Variants in FDFT1 observed in about 807,000 individuals in gnomAD.
FDFT1 encodes the protein farnesyl-diphosphate farnesyltransferase 1.
FDFT1 carries 68 observed loss-of-function variants against 46.8 expected under a neutral mutation model. The observed-to-expected ratio is 1.45, with a 90% CI of 1.19 to 1.78. FDFT1 has a LOEUF of 1.78. FDFT1 is among the 40% of genes most tolerant of loss of function. The pLI is 0.00. For missense variants in FDFT1, 928 were observed against 524.4 expected (o/e 1.77, Z -7.52); for synonymous variants, 351 against 185.1 (o/e 1.90, Z -7.28).
Position 11,804,939 on chromosome 8 carries a change from C to T in FDFT1, c.99+2008C>T, listed in dbSNP as rs1438113631. Among the ~76,000 whole-genome samples, 220 of 117,468 alleles carry T rather than the reference C, an allele frequency of 1.9e-3. 4 individuals are homozygous for T. The highest frequency in any genetic ancestry group is 6.7e-3 in the African/African-American group (211 of 31,542). 77.1% of individuals were successfully genotyped at this position (117,468 alleles called of 152,430 possible). A position where few individuals can be genotyped will look rare whatever the true frequency, so the allele number is the denominator to read the frequency against. On this transcript the variant is annotated intron_variant, in intron 1 of 7. Coordinates refer to ENST00000220584, the MANE Select transcript of FDFT1 (RefSeq NM_004462.5). ...TTTTTTTTTTTTGAGGGGGGGGTCT[C>T]ACTCCATCGTCCAGGCTAGAATGCT...
chr8:11,814,087 G>C (rs1484166242), intron 3 of FDFT1, among the ~76,000 whole-genome samples: 3 of 152,178 alleles, frequency 2.0e-5, no homozygotes, highest in African/African-American at 7.2e-5. Flanking sequence ...CACCCTCATT[G>C]ACCTTTCCTC....
chr8:11,803,095 C>A, intron 1 of FDFT1, 164 bp downstream of exon 1: 1 of 1,436,422 alleles, frequency 7.0e-7, no homozygotes, highest in African/African-American at 1.4e-5. Context: ...CTGTAGGGCC[C>A]GGGTGGACGC....
In FDFT1 at chr8:11,824,770, C is replaced by G. The variant is rs568723887; in HGVS notation, c.511-1254C>G. ...TGTTGTTTTGAGACGGAGTCTCACT[C>G]TGTCGCCCAGGCTGGAGTGCAGTGG... On this transcript the variant is annotated intron_variant, in intron 4 of 7. Transcript: ENST00000220584. 7.0e-4 allele frequency among the ~76,000 whole-genome samples: 107 copies of G among 152,160 alleles called. 1 individual carries two copies. Among genetic ancestry groups the G allele is most frequent in the African/African-American group, 2.3e-3 (96 of 41,510 alleles).
chr8:11,810,249 G>C (rs1258023966), intron 3 of FDFT1, among the ~76,000 whole-genome samples: 1 of 152,198 alleles, frequency 6.6e-6, no homozygotes, highest in Non-Finnish European at 1.5e-5. Flanking sequence ...TCAAATTTTA[G>C]TGTTGTGAAA....
intron 3 of FDFT1, among the ~76,000 whole-genome samples, chr8:11,820,492 C>T (rs906494653): frequency 6.0e-5 from 9 of 150,092 alleles, no homozygotes; most frequent in African/African-American, 1.2e-4. Flanking sequence ...TGCTGAGCTG[C>T]GGTGGGCTCC....
intron 6 of FDFT1, among the ~76,000 whole-genome samples, chr8:11,831,066 A>G (rs1165985911): frequency 6.6e-6 from 1 of 152,218 alleles, no homozygotes; most frequent in Non-Finnish European, 1.5e-5. Flanking sequence ...ACAGGAAATT[A>G]ATCCCCTTCT....
chr8:11,829,350 A>G (rs1375396265), intron 5 of FDFT1, among the ~76,000 whole-genome samples: 2 of 152,240 alleles, frequency 1.3e-5, no homozygotes, highest in African/African-American at 2.4e-5. Flanking sequence ...TAATATCATT[A>G]AAAATCATCA....
At chr8:11,811,806 T>C (rs1394817770) in intron 3 of FDFT1, among the ~76,000 whole-genome samples, 1 of 152,226 alleles carries the variant, frequency 6.6e-6, no homozygotes, top group East Asian at 1.9e-4. Flanking sequence ...AATATGAAGA[T>C]GTACTAAGTT....
intron 1 of FDFT1, among the ~76,000 whole-genome samples, chr8:11,806,386 C>T (rs140311318): frequency 6.6e-6 from 1 of 152,060 alleles, no homozygotes; most frequent in East Asian, 1.9e-4. Flanking sequence ...GTTGTGTCTT[C>T]CTGTTTTGTT....
intron 6 of FDFT1, among the ~76,000 whole-genome samples, chr8:11,830,926 A>G (rs796469865): frequency 1.3e-5 from 2 of 152,350 alleles, no homozygotes; most frequent in African/African-American, 2.4e-5. Flanking sequence ...TGAAGAAAGT[A>G]ACAGCATTTA....
chr8:11,814,502 T>C lies in FDFT1; in HGVS notation c.381+4652T>C, dbSNP rs555444645. 9.6e-4 allele frequency among the ~76,000 whole-genome samples: 146 copies of C among 152,314 alleles called. No individual in the cohort carries two copies. In the South Asian group the frequency reaches 0.021, roughly 22 times the overall value. ...CAGGTATATTGCATACTTTCAATGT[T>C]TAACCAAATCTCTTCACTGTTTGCA... On this transcript the variant is annotated intron_variant, in intron 3 of 7. Coordinates refer to ENST00000220584, the MANE Select transcript of FDFT1 (RefSeq NM_004462.5).
In FDFT1 at chr8:11,836,866, G is replaced by C. The variant is rs1012230438; in HGVS notation, c.1033-1522G>C. ...GCCTGACCAACACTGGTAAAACCTT[G>C]TCTCTATTAAAAATGCAAAAATTAG... On this transcript the variant is annotated intron_variant, in intron 7 of 7. Transcript: ENST00000220584. Among the ~76,000 whole-genome samples, 2 of 152,334 alleles carry C rather than the reference G, an allele frequency of 1.3e-5. 1 individual carries two copies. Among genetic ancestry groups the C allele is most frequent in the South Asian group, 4.1e-4 (2 of 4,832 alleles).
intron 7 of FDFT1, among the ~76,000 whole-genome samples, chr8:11,834,235 G>C (rs1479430705): frequency 1.3e-5 from 2 of 152,234 alleles, no homozygotes; most frequent in Non-Finnish European, 2.9e-5. Context: ...TGCAGCCCCA[G>C]GTCTTCACGA....
At chr8:11,814,105 A>C (rs1585904423) in intron 3 of FDFT1, among the ~76,000 whole-genome samples, 1 of 152,224 alleles carries the variant, frequency 6.6e-6, no homozygotes, top group South Asian at 2.1e-4. Flanking sequence ...CTCTCTAATA[A>C]ATAGAACTGG....
chr8:11,802,923 A>T lies in FDFT1; in HGVS notation c.91A>T (p.Met31Leu). The T allele has an allele frequency of 6.2e-7, 1 of 1,608,144 alleles. No individual in the cohort carries two copies. Among genetic ancestry groups the T allele is most frequent in the Admixed American group, 1.7e-5 (1 of 59,398 alleles). The change falls in exon 1 of 8, where the codon ATG (methionine) becomes TTG (leucine). Residue 31 changes from methionine (M) to leucine (L), a missense_variant. By Grantham distance (15) the Met-to-Leu change is conservative. Transcript: ENST00000220584. Reference sequence around the variant, plus strand: ...GGGCAAGCGGAAGGTGATGCCCAAGATGGACCAGGTGGGCCGAGCCTCCCT... The same window carrying T: ...GGGCAAGCGGAAGGTGATGCCCAAGTTGGACCAGGTGGGCCGAGCCTCCCT... ...IGGKRKVMPKMDQDSLSSSLK... is the reference protein window; with the variant it reads ...IGGKRKVMPKLDQDSLSSSLK...
At chr8:11,814,104 A>C (rs749848671) in intron 3 of FDFT1, among the ~76,000 whole-genome samples, 8 of 152,240 alleles carry the variant, frequency 5.3e-5, no homozygotes, top group Non-Finnish European at 8.8e-5. Flanking sequence ...CCTCTCTAAT[A>C]AATAGAACTG....
At chr8:11,806,010 T>C (rs974823008) in intron 1 of FDFT1, among the ~76,000 whole-genome samples, 4 of 152,164 alleles carry the variant, frequency 2.6e-5, no homozygotes, top group Non-Finnish European at 5.9e-5. Context: ...TAAATTCAGT[T>C]CTCAAGTTTG....
At chr8:11,829,489 C>T (rs554523030) in intron 5 of FDFT1, among the ~76,000 whole-genome samples, 2 of 152,280 alleles carry the variant, frequency 1.3e-5, no homozygotes, top group South Asian at 4.1e-4. Flanking sequence ...AGCTTTCTTA[C>T]CAGAGTAGGA....
chr8:11,802,250 G>A (rs1585842507), upstream of FDFT1: 1 of 377,836 alleles, frequency 2.6e-6, no homozygotes, highest in African/African-American at 2.1e-5. Flanking sequence ...GCCTTTTCAC[G>A]GTTTTAGGCT....
Sources: gnomAD v4.1 joint callset for allele counts (sites outside exome capture counted in the v4.1 genomes callset) on GRCh38, gnomAD v4.1.1 for gene constraint, MANE v1.5 for transcripts, NCBI Gene and HGNC (gene_info 2026-07-23, HGNC 2026-07-21) for gene names.